Variants in ZNF367 observed in about 807,000 individuals in gnomAD.
ZNF367 encodes the protein C2H2 zinc finger protein ZFF29.
A neutral mutation model predicts 31.8 loss-of-function variants in ZNF367; 11 were observed. That is an observed-to-expected ratio of 0.35 (90% CI 0.22 to 0.57). The LOEUF is 0.57. Ranked by LOEUF, ZNF367 falls within the 20% of genes least tolerant of loss-of-function variation. The probability of loss-of-function intolerance (pLI) is 0.85; values close to 1 mark genes in which losing one functional copy is unlikely to be tolerated. For missense variants in ZNF367, 353 were observed against 484.1 expected (o/e 0.73, Z 2.54); for synonymous variants, 199 against 202.4 (o/e 0.98, Z 0.14).
intron 1 of ZNF367, among the ~76,000 whole-genome samples, 175 bp from the exon 2 acceptor site, chr9:96,398,489 G>A (rs535021879): frequency 6.6e-6 from 1 of 152,028 alleles, no homozygotes; most frequent in African/African-American, 2.4e-5. Context: ...CCAGGAGTTC[G>A]AAGCAACATA....
chr9:96,414,870 C>T (rs1166201657), intron 1 of ZNF367, among the ~76,000 whole-genome samples: 6 of 152,140 alleles, frequency 3.9e-5, no homozygotes, highest in African/African-American at 1.4e-4. Flanking sequence ...TAACATTAAT[C>T]TTCTTGGGTG....
At chr9:96,403,172 A>G (rs531732594) in intron 1 of ZNF367, among the ~76,000 whole-genome samples, 21 of 151,976 alleles carry the variant, frequency 1.4e-4, no homozygotes, top group South Asian at 1.2e-3. Context: ...GTTTCACCAT[A>G]TTGACCAGGC....
chr9:96,391,685 T>C (rs1393446425), intron 4 of ZNF367, among the ~76,000 whole-genome samples: 2 of 152,304 alleles, frequency 1.3e-5, no homozygotes, highest in South Asian at 4.1e-4. Context: ...ACTGGCCCCC[T>C]TGTTGCCATT....
chr9:96,399,144 G>C (rs1340794427), intron 1 of ZNF367, among the ~76,000 whole-genome samples: 3 of 152,066 alleles, frequency 2.0e-5, no homozygotes, highest in Non-Finnish European at 4.4e-5. Context: ...ATGCATATAT[G>C]CCCAGGGCAG....
intron 3 of ZNF367, among the ~76,000 whole-genome samples, chr9:96,393,081 C>G (rs975469454): frequency 1.3e-5 from 2 of 152,168 alleles, no homozygotes; most frequent in Non-Finnish European, 2.9e-5. Flanking sequence ...CAGACTCCAT[C>G]GCAGGGGTCG....
At position 96,416,086 on chromosome 9, in the gene ZNF367, TG is replaced by T. The variant is rs1382744884; in HGVS notation, c.420+1526del. The stretch of plus-strand genomic sequence containing the variant: ...GCTCTGTTATGGTTTTTTTTTTTGT[TG>T]TTTTTTTTTTTTTTTTTTGAGACGG... On this transcript the variant is annotated intron_variant, in intron 1 of 4. Transcript: ENST00000375256. 9.8e-3 allele frequency among the ~76,000 whole-genome samples: 1,380 copies of T among 140,424 alleles called. 13 individuals are homozygous for T. Among genetic ancestry groups the T allele is most frequent in the Non-Finnish European group, 0.015 (1,007 of 65,344 alleles). The allele number at this position is 140,424 out of a possible 152,430, so 92.1% of individuals were successfully genotyped here.
At chr9:96,392,175 A>C (rs1233016179) in intron 4 of ZNF367, 6 of 612,864 alleles carry the variant, frequency 9.8e-6, no homozygotes, top group Non-Finnish European at 1.1e-5. Context: ...AATAAACTGT[A>C]GTCTGGGCAC....
At chr9:96,395,070 T>C in intron 2 of ZNF367, 128 bp from the exon 3 acceptor site, 1 of 995,204 alleles carries the variant, frequency 1.0e-6, no homozygotes, top group South Asian at 1.8e-5. Flanking sequence ...TGGCCCCTAC[T>C]GAGCTGCAGG....
intron 1 of ZNF367, among the ~76,000 whole-genome samples, chr9:96,409,398 G>C (rs1440671381): frequency 1.3e-5 from 2 of 152,156 alleles, no homozygotes; most frequent in Non-Finnish European, 2.9e-5. Flanking sequence ...ACAGAATGTG[G>C]AGCACACCAG....
chr9:96,395,065 C>A, intron 2 of ZNF367, 123 bp from the exon 3 acceptor site: 1 of 1,040,056 alleles, frequency 9.6e-7, no homozygotes. Context: ...TGTCATGGCC[C>A]CTACTGAGCT....
chr9:96,398,604 C>G (rs1479740929), intron 1 of ZNF367, among the ~76,000 whole-genome samples: 1 of 152,164 alleles, frequency 6.6e-6, no homozygotes, highest in Non-Finnish European at 1.5e-5. Flanking sequence ...CATCCCTCCA[C>G]AGATGACTAA....
intron 1 of ZNF367, among the ~76,000 whole-genome samples, chr9:96,402,547 G>A (rs1268641486): frequency 3.5e-5 from 5 of 144,472 alleles, no homozygotes. Context: ...CCACCTCCCA[G>A]GTTCAAGCGA....
rs1196486023 is a variant in ZNF367 at position 96,387,857 on chromosome 9, ATC to A, written c.*378_*379del. On this transcript the variant is annotated 3_prime_UTR_variant, in exon 5 of 5. Coordinates refer to ENST00000375256, the MANE Select transcript of ZNF367 (RefSeq NM_153695.4). ...ATTGTTAAAAATGATCTTATAAATA[ATC>A]TGTTTTAATCTTCTTTGGCTATTTG... 5.6e-6 allele frequency: 1 copy of A among 178,692 alleles called. No individual in the cohort carries two copies. The highest frequency in any genetic ancestry group is 2.4e-5 in the African/African-American group (1 of 42,390). 11.1% of individuals were successfully genotyped at this position (178,692 alleles called of 1,614,324 possible).
intron 1 of ZNF367, among the ~76,000 whole-genome samples, chr9:96,414,998 A>T (rs908704987): frequency 1.2e-4 from 19 of 152,078 alleles, no homozygotes; most frequent in Non-Finnish European, 1.9e-4. Flanking sequence ...TGTTTTTTTT[A>T]AAAGACTAAA....
chr9:96,394,282 T>A (rs1831504339), intron 3 of ZNF367, among the ~76,000 whole-genome samples: 1 of 152,014 alleles, frequency 6.6e-6, no homozygotes, highest in Non-Finnish European at 1.5e-5. Context: ...GATCTAAATA[T>A]CAAAACAATT....
intron 1 of ZNF367, among the ~76,000 whole-genome samples, chr9:96,401,130 G>C (rs1207123375): frequency 6.6e-6 from 1 of 152,198 alleles, no homozygotes; most frequent in African/African-American, 2.4e-5. Context: ...GGAGGCTGAG[G>C]AAGGAGGATC....
intron 1 of ZNF367, among the ~76,000 whole-genome samples, chr9:96,404,088 A>T (rs532133922): frequency 6.6e-6 from 1 of 152,248 alleles, no homozygotes; most frequent in South Asian, 2.1e-4. Context: ...CCAGCTACTC[A>T]GGAGGCAGAG....
intron 4 of ZNF367, among the ~76,000 whole-genome samples, chr9:96,390,577 T>G (rs1400191916): frequency 1.3e-5 from 2 of 152,082 alleles, no homozygotes; most frequent in Non-Finnish European, 2.9e-5. Context: ...ACTTGGTCAC[T>G]GAGTAGACAG....
At chr9:96,392,903 G>A (rs1456173347) in intron 3 of ZNF367, among the ~76,000 whole-genome samples, 1 of 152,182 alleles carries the variant, frequency 6.6e-6, no homozygotes, top group East Asian at 1.9e-4. Flanking sequence ...TGGCCAACAC[G>A]GCAAAATGCC....
Sources: allele counts gnomAD v4.1 joint callset (sites outside exome capture counted in the v4.1 genomes callset), GRCh38; gene constraint gnomAD v4.1.1; transcripts MANE v1.5; gene names NCBI Gene and HGNC (gene_info 2026-07-23, HGNC 2026-07-21).